Variants in SOS2 observed in about 807,000 individuals in gnomAD.
SOS2 encodes SOS Ras/Rho guanine nucleotide exchange factor 2.
SOS2 carries 65 observed loss-of-function variants against 148.2 expected under a neutral mutation model. The observed-to-expected ratio is 0.44, with a 90% CI of 0.36 to 0.54. SOS2 has a LOEUF of 0.54. Among genes scored for constraint, SOS2 ranks in the 20% least tolerant of loss-of-function variants. The pLI, the probability that SOS2 is intolerant of heterozygous loss-of-function variation, is 0.00. For synonymous variants in SOS2, 539 were observed against 537.1 expected (o/e 1.00, Z -0.05); for missense variants, 1,341 against 1,590.2 (o/e 0.84, Z 2.67).
At chr14:50,231,153 G>A (rs753855711) in intron 1 of SOS2, 44 bp downstream of exon 1, 4 of 1,214,554 alleles carry the variant, frequency 3.3e-6, no homozygotes, top group East Asian at 3.1e-5. Context: ...AGAAGCTCGG[G>A]GGGCCACGGG....
In SOS2 at chr14:50,118,699, G is replaced by T. The variant is rs773877975; in HGVS notation, c.3644C>A (p.Thr1215Asn). 6.2e-7 allele frequency: 1 copy of T among 1,613,826 alleles called. No individual in the cohort carries two copies. Among genetic ancestry groups the T allele is most frequent in the Non-Finnish European group, 8.5e-7 (1 of 1,179,964 alleles). ...AGGCCGAAGGGGAACTGGTGGAGGGGTATCAGGAAGAGGATCTCTTGGTGG... is the reference window on the plus strand; with the variant it reads ...AGGCCGAAGGGGAACTGGTGGAGGGTTATCAGGAAGAGGATCTCTTGGTGG... Reference protein sequence around the residue: ...PPPPRDPLPDTPPPVPLRPPE... With the variant: ...PPPPRDPLPDNPPPVPLRPPE... Residue 1215 changes from threonine (T) to asparagine (N), a missense_variant, in exon 23 of 23, where the codon ACC (threonine) becomes AAC (asparagine). By Grantham distance (65) the Thr-to-Asn change is moderately conservative. Around this residue, in one of 4 missense-constraint regions of SOS2, gnomAD observed 354 missense variants for 347.7 expected, o/e 1.02. Transcript: ENST00000216373.
intron 4 of SOS2, among the ~76,000 whole-genome samples, chr14:50,189,854 T>TA (rs1395956265): frequency 1.2e-4 from 15 of 122,578 alleles, no homozygotes; most frequent in Admixed American, 2.7e-4. Context: ...TTTTTTATTT[T>TA]TTTTTTTTTT....
chr14:50,120,077 G>A (rs1465423065), intron 22 of SOS2, among the ~76,000 whole-genome samples, 198 bp downstream of exon 22: 1 of 152,112 alleles, frequency 6.6e-6, no homozygotes, highest in African/African-American at 2.4e-5. Context: ...ATGAGCCACT[G>A]CGCCCGGCCC....
chr14:50,189,247 T>C (rs1886034505), intron 4 of SOS2, among the ~76,000 whole-genome samples: 1 of 143,628 alleles, frequency 7.0e-6, no homozygotes, highest in Non-Finnish European at 1.5e-5. Flanking sequence ...TCTGGAGATA[T>C]GAACTAATGG....
Position 50,224,314 on chromosome 14 carries a change from T to TATACACAC in SOS2, c.87+6882_87+6883insGTGTGTAT, listed in dbSNP as rs1281779995. Among the ~76,000 whole-genome samples, 135 of 101,014 alleles carry TATACACAC rather than the reference T, an allele frequency of 1.3e-3. 1 individual carries two copies. Among genetic ancestry groups the TATACACAC allele is most frequent in the African/African-American group, 5.6e-3 (130 of 23,108 alleles). The allele number at this position is 101,014 out of a possible 152,430, so 66.3% of individuals were successfully genotyped here. The stretch of plus-strand genomic sequence containing the variant: ...TCAGGAAAAAAAAAAAATATATATA[T>TATACACAC]ACACACACACACACACACACACACA... On this transcript the variant is annotated intron_variant, in intron 1 of 22. Transcript: ENST00000216373.
chr14:50,120,231 G>A lies in SOS2; in HGVS notation c.3489+44C>T, dbSNP rs1242005297. 8.0e-6 allele frequency: 7 copies of A among 873,894 alleles called. No individual in the cohort carries two copies. The African/African-American group carries it at 1.2e-4, about 15-fold the overall frequency. 54.1% of individuals were successfully genotyped at this position (873,894 alleles called of 1,614,324 possible). ...TTATAACACTAGGCATTATTTTGAA[G>A]ATTCACAACTTTGAATAAGTTGGAG... On this transcript the variant is annotated intron_variant, in intron 22 of 22. Transcript: ENST00000216373.
In SOS2 at chr14:50,188,360, A is replaced by T; in HGVS notation, c.714+137T>A. On this transcript the variant is annotated intron_variant, in intron 5 of 22. Coordinates refer to ENST00000216373, the MANE Select transcript of SOS2 (RefSeq NM_006939.4). ...GGAGGCTGCAGTGGTGCGAGCTGAG[A>T]TCACGCCACTGCACTCCAGCCTGGG... 4 of 619,414 alleles carry T rather than the reference A, an allele frequency of 6.5e-6. No individual in the cohort carries two copies. The South Asian group carries it at 7.1e-5, about 11-fold the overall frequency. The allele number at this position is 619,414 out of a possible 1,614,324, so 38.4% of individuals were successfully genotyped here. A position where few individuals can be genotyped will look rare whatever the true frequency, so the allele number is the denominator to read the frequency against.
At chr14:50,218,448 G>A (rs377213107) in intron 1 of SOS2, among the ~76,000 whole-genome samples, 2 of 151,840 alleles carry the variant, frequency 1.3e-5, no homozygotes, top group East Asian at 2.0e-4. Flanking sequence ...GCTCGAACCC[G>A]GAAGGCGGAG....
chr14:50,181,937 T>C (rs1885754123), intron 6 of SOS2, among the ~76,000 whole-genome samples: 1 of 149,372 alleles, frequency 6.7e-6, no homozygotes, highest in East Asian at 2.0e-4. Context: ...CCATAGAAGG[T>C]AAAGAGCTAT....
At chr14:50,175,939 G>A (rs1566838483) in intron 7 of SOS2, among the ~76,000 whole-genome samples, 1 of 152,168 alleles carries the variant, frequency 6.6e-6, no homozygotes. Context: ...CACAAAAAGT[G>A]CCACCAATTT....
rs748361433 is a variant in SOS2, at chr14:50,157,007, T to C, written c.2049A>G (p.Val683=). ...AAATATTCAAGCCAAACCTAAGTTG[T>C]ACTGGTTGGACATATTCCTTGCGAA... ...KRFRKEYVQP[V]QLRILNVFRH... is the part of the protein sequence containing the mutation. Residue 683 remains valine (V), a synonymous_variant, in exon 12 of 23, where the codon GTA becomes GTG. Coordinates refer to ENST00000216373, the MANE Select transcript of SOS2 (RefSeq NM_006939.4). The C allele has an allele frequency of 3.3e-5, 52 of 1,589,072 alleles. No individual in the cohort carries two copies. Among genetic ancestry groups the C allele is most frequent in the Non-Finnish European group, 4.3e-5 (50 of 1,164,556 alleles).
Position 50,153,178 on chromosome 14 carries a change from T to A in SOS2, c.2058-5A>T, listed in dbSNP as rs751933718. 1 of 1,534,156 alleles carries A rather than the reference T, an allele frequency of 6.5e-7. No individual in the cohort carries two copies. Among genetic ancestry groups the A allele is most frequent in the Non-Finnish European group, 9.0e-7 (1 of 1,115,724 alleles). ...TGCCGAAATACATTTAAGATCCTGA[T>A]AAAATGGAAAGAAACACATTTTAGT... is the stretch of plus-strand genomic sequence containing the variant. On this transcript the variant is annotated splice_region_variant and splice_polypyrimidine_tract_variant and intron_variant, in intron 12 of 22. Coordinates refer to ENST00000216373, the MANE Select transcript of SOS2 (RefSeq NM_006939.4).
intron 8 of SOS2, among the ~76,000 whole-genome samples, chr14:50,169,060 C>T (rs1885271459): frequency 6.6e-6 from 1 of 152,078 alleles, no homozygotes; most frequent in Non-Finnish European, 1.5e-5. Flanking sequence ...GCCTGTAATC[C>T]CAGCAGTTTG....
chr14:50,139,987 G>T lies in SOS2; in HGVS notation c.2740C>A (p.Leu914Ile). 6.2e-7 allele frequency: 1 copy of T among 1,607,306 alleles called. No homozygotes were observed. Among genetic ancestry groups the T allele is most frequent in the Admixed American group, 1.7e-5 (1 of 59,800 alleles). The change falls in exon 17 of 23, where the codon CTA becomes ATA. Residue 914 changes from leucine to isoleucine, a missense_variant. Physicochemically the swap from Leu to Ile is conservative, Grantham distance 5. Transcript: ENST00000216373. ...GGATTGATTGACTTAAGTTTTACTAGGTATTTTTTAAAGTGATCTTGACTT... is the reference window on the plus strand; with the variant it reads ...GGATTGATTGACTTAAGTTTTACTATGTATTTTTTAAAGTGATCTTGACTT... Reference protein sequence around the residue: ...ELSQDHFKKYLVKLKSINPPC... With the variant: ...ELSQDHFKKYIVKLKSINPPC...
intron 1 of SOS2, among the ~76,000 whole-genome samples, chr14:50,221,949 T>C (rs914992375): frequency 6.6e-6 from 1 of 151,964 alleles, no homozygotes; most frequent in Non-Finnish European, 1.5e-5. Context: ...GGAGTATAAA[T>C]AAAAAAGTGC....
In SOS2 at chr14:50,158,686, T is replaced by A. The variant is rs187866131; in HGVS notation, c.1853-40A>T. On this transcript the variant is annotated intron_variant, in intron 10 of 22. Coordinates refer to ENST00000216373, the MANE Select transcript of SOS2 (RefSeq NM_006939.4). ...CATAAAATAGGTTTCATGTTTAATG[T>A]ATTCAGTTTAATTAACTCAAAGTAC... 146 of 1,300,968 alleles carry A rather than the reference T, an allele frequency of 1.1e-4. 2 individuals are homozygous for A. In the East Asian group the frequency reaches 2.2e-3, roughly 19 times the overall value. 80.6% of individuals were successfully genotyped at this position (1,300,968 alleles called of 1,614,324 possible).
intron 13 of SOS2, among the ~76,000 whole-genome samples, chr14:50,150,866 G>A (rs1037643040): frequency 5.9e-5 from 9 of 152,054 alleles, no homozygotes; most frequent in African/African-American, 2.2e-4. Flanking sequence ...AGGATTATAG[G>A]TGCACACTAC....
At chr14:50,142,656 T>C (rs1884335103) in intron 16 of SOS2, among the ~76,000 whole-genome samples, 1 of 152,228 alleles carries the variant, frequency 6.6e-6, no homozygotes, top group Non-Finnish European at 1.5e-5. Context: ...CACTTTGTTG[T>C]ATAGCTGAAC....
intron 14 of SOS2, among the ~76,000 whole-genome samples, chr14:50,149,394 G>C (rs1884591765): frequency 6.6e-6 from 1 of 151,682 alleles, no homozygotes; most frequent in African/African-American, 2.4e-5. Context: ...AAATAAATCA[G>C]ACACAGAAAG....
Sources: gnomAD v4.1 joint callset for allele counts (sites outside exome capture counted in the v4.1 genomes callset) on GRCh38, gnomAD v4.1.1 for gene constraint, gnomAD v4.1.1 regional missense constraint, MANE v1.5 for transcripts, NCBI Gene and HGNC (gene_info 2026-07-23, HGNC 2026-07-21) for gene names.